Variants in SMCO2 observed in about 807,000 individuals in gnomAD.
SMCO2 encodes single-pass membrane protein with coiled-coil domains 2.
A neutral mutation model predicts 29.5 loss-of-function variants in SMCO2; 25 were observed. The ratio of observed to expected loss-of-function variants is 0.85; its 90% confidence interval spans 0.62 to 1.18. SMCO2 has a LOEUF of 1.18. Ranked by LOEUF, SMCO2 falls within the 50% of genes most tolerant of loss-of-function variation. SMCO2 has a pLI of 0.00. For missense variants in SMCO2, 348 were observed against 344.5 expected, an observed-to-expected ratio of 1.01 and a Z score of -0.08; for synonymous variants, 117 against 123.3, an observed-to-expected ratio of 0.95 and a Z score of 0.34.
chr12:27,472,942 C>A, intron 3 of SMCO2, 67 bp downstream of exon 3: 2 of 1,142,710 alleles, frequency 1.8e-6, no homozygotes, highest in Non-Finnish European at 2.5e-6. Context: ...AAGAACTTCA[C>A]GCCGCATATC....
chr12:27,454,156 T>A, the SMCO2 span, among the ~76,000 whole-genome samples: 1 of 152,014 alleles, frequency 6.6e-6, no homozygotes, highest in Non-Finnish European at 1.5e-5. Context: ...AGCTTATTTT[T>A]AAATTTTTTG....
the SMCO2 span, among the ~76,000 whole-genome samples, chr12:27,431,172 T>C: frequency 6.6e-6 from 1 of 152,094 alleles, no homozygotes; most frequent in Non-Finnish European, 1.5e-5. Flanking sequence ...TGCACCATCA[T>C]GCCTGGCTAA....
intron 1 of SMCO2, among the ~76,000 whole-genome samples, chr12:27,468,783 A>G (rs948181478): frequency 1.3e-5 from 2 of 152,212 alleles, no homozygotes; most frequent in African/African-American, 2.4e-5. Flanking sequence ...TCTGACTCTA[A>G]GTAAATCACA....
chr12:27,474,580 T>C (rs1456779679), intron 3 of SMCO2, among the ~76,000 whole-genome samples: 1 of 152,164 alleles, frequency 6.6e-6, no homozygotes, highest in East Asian at 1.9e-4. Context: ...TGGACACTGA[T>C]TCTCTCCATG....
intron 4 of SMCO2, among the ~76,000 whole-genome samples, chr12:27,478,345 A>G (rs1023680908): frequency 3.3e-5 from 5 of 151,620 alleles, no homozygotes; most frequent in African/African-American, 1.2e-4. Flanking sequence ...CATGCAGCAT[A>G]TGCATGCACC....
the SMCO2 span, among the ~76,000 whole-genome samples, chr12:27,448,367 C>T: frequency 2.6e-5 from 4 of 152,176 alleles, no homozygotes; most frequent in Non-Finnish European, 4.4e-5. Context: ...TTCTCCCAAG[C>T]GGCAAGTCTT....
Position 27,488,450 on chromosome 12 carries a change from C to A in SMCO2, c.363-10C>A. The A allele has an allele frequency of 6.7e-7, 1 of 1,498,650 alleles. No homozygotes were observed. The highest frequency in any genetic ancestry group is 2.6e-5 in the East Asian group (1 of 38,490). The allele number at this position is 1,498,650 out of a possible 1,614,324, so 92.8% of individuals were successfully genotyped here. On this transcript the variant is annotated splice_polypyrimidine_tract_variant and intron_variant, in intron 4 of 7. Transcript: ENST00000298876. ...AATCTGCAGGCCTTAGTATCTTGGT[C>A]TGTTTGCAGCTTATTAAAAGACATG... is the stretch of plus-strand genomic sequence containing the variant.
At chr12:27,439,264 C>T in the SMCO2 span, among the ~76,000 whole-genome samples, 154 of 152,304 alleles carry the variant, frequency 1.0e-3, no homozygotes, top group Middle Eastern at 3.4e-3. Flanking sequence ...TGGGCACGAA[C>T]CCTAGCCAGC....
chr12:27,475,942 G>A lies in SMCO2; in HGVS notation c.362+1029G>A, dbSNP rs890294763. Among the ~76,000 whole-genome samples, 5 of 152,084 alleles carry A rather than the reference G, an allele frequency of 3.3e-5. No individual in the cohort carries two copies. The East Asian group carries it at 5.8e-4, about 18-fold the overall frequency. On this transcript the variant is annotated intron_variant, in intron 4 of 7. Transcript: ENST00000298876. ...TTTGTTCTTGCTTTTCTAGTTCCTT[G>A]TGGTACACTGTTGGATTGTTTATTT...
At chr12:27,437,731 C>T in the SMCO2 span, among the ~76,000 whole-genome samples, 4 of 152,194 alleles carry the variant, frequency 2.6e-5, no homozygotes, top group South Asian at 8.3e-4. Flanking sequence ...TCCTAAACTA[C>T]CAGTTCACCT....
intron 1 of SMCO2, among the ~76,000 whole-genome samples, chr12:27,468,043 G>A (rs1424034765): frequency 6.6e-6 from 1 of 152,144 alleles, no homozygotes; most frequent in African/African-American, 2.4e-5. Flanking sequence ...GCCATGTTAA[G>A]CACAATTTTA....
At chr12:27,494,708 C>T (rs1464475170) in intron 6 of SMCO2, among the ~76,000 whole-genome samples, 1 of 151,972 alleles carries the variant, frequency 6.6e-6, no homozygotes, top group African/African-American at 2.4e-5. Flanking sequence ...TCCTTGTGTC[C>T]ATGTGTTTTC....
intron 7 of SMCO2, among the ~76,000 whole-genome samples, chr12:27,500,879 C>T (rs1943067265): frequency 6.6e-6 from 1 of 150,580 alleles, no homozygotes; most frequent in African/African-American, 2.5e-5. Context: ...TGAGTTAGGT[C>T]ACAAAATCGA....
upstream of SMCO2, among the ~76,000 whole-genome samples, chr12:27,462,444 T>C (rs1949465834): frequency 6.6e-6 from 1 of 152,234 alleles, no homozygotes; most frequent in Non-Finnish European, 1.5e-5. Context: ...ATGAATAATA[T>C]TCTCTTTCTC....
the SMCO2 span, among the ~76,000 whole-genome samples, chr12:27,431,982 G>A: frequency 2.0e-5 from 3 of 152,152 alleles, no homozygotes; most frequent in Non-Finnish European, 2.9e-5. Context: ...CCTAATGGGT[G>A]TGCAGTGATA....
the SMCO2 span, among the ~76,000 whole-genome samples, chr12:27,450,130 A>G: frequency 1.3e-5 from 2 of 152,162 alleles, no homozygotes; most frequent in African/African-American, 4.8e-5. Flanking sequence ...TGCTCCTCTC[A>G]GGGTAGAGGT....
At chr12:27,498,920 G>A (rs1943044052) in intron 7 of SMCO2, among the ~76,000 whole-genome samples, 2 of 150,454 alleles carry the variant, frequency 1.3e-5, no homozygotes, top group Admixed American at 1.3e-4. Flanking sequence ...GATGACTACA[G>A]TAAAAAAGAC....
At chr12:27,489,775 T>C (rs1949720021) in intron 5 of SMCO2, among the ~76,000 whole-genome samples, 1 of 152,132 alleles carries the variant, frequency 6.6e-6, no homozygotes, top group Non-Finnish European at 1.5e-5. Context: ...GCTTTGGAAA[T>C]TGCAAACTAT....
upstream of SMCO2, among the ~76,000 whole-genome samples, chr12:27,463,012 ATCCC>A (rs1164687510): frequency 6.6e-6 from 1 of 152,166 alleles, no homozygotes; most frequent in Non-Finnish European, 1.5e-5. Flanking sequence ...GGACTACACC[ATCCC>A]TCCTGCTGGA....
Sources: allele counts gnomAD v4.1 joint callset (sites outside exome capture counted in the v4.1 genomes callset), GRCh38; gene constraint gnomAD v4.1.1; transcripts MANE v1.5; gene names NCBI Gene and HGNC (gene_info 2026-07-23, HGNC 2026-07-21).